Variants in CHRM3 observed in about 807,000 individuals in gnomAD.
CHRM3 encodes the protein cholinergic receptor muscarinic 3.
CHRM3 carries 11 observed loss-of-function variants against 41.8 expected under a neutral mutation model. The observed-to-expected ratio is 0.26, with a 90% CI of 0.17 to 0.44. CHRM3 has a LOEUF of 0.44. Ranked by LOEUF, CHRM3 falls within the 20% of genes least tolerant of loss-of-function variation. The pLI, the probability that CHRM3 is intolerant of heterozygous loss-of-function variation, is 1.00. For missense variants in CHRM3, 571 were observed against 745.4 expected (o/e 0.77, Z 2.72); for synonymous variants, 297 against 301.4 (o/e 0.99, Z 0.15).
At chr1:239,562,807 G>A (rs1418788074) in intron 3 of CHRM3, among the ~76,000 whole-genome samples, 1 of 148,680 alleles carries the variant, frequency 6.7e-6, no homozygotes, top group East Asian at 2.0e-4. Flanking sequence ...AGAATCACTT[G>A]AAACTGGAAG....
chr1:239,561,489 TCTC>T (rs1387486117), intron 3 of CHRM3, among the ~76,000 whole-genome samples: 2 of 152,092 alleles, frequency 1.3e-5, no homozygotes, highest in African/African-American at 4.8e-5. Context: ...GGAAGTTCCA[TCTC>T]CTCTTAGCAG....
intron 2 of CHRM3, among the ~76,000 whole-genome samples, chr1:239,519,742 T>TTTC: frequency 2.5e-5 from 1 of 40,550 alleles, no homozygotes. Flanking sequence ...AAACTAGTTC[T>TTTC]TTTTTTTTTT....
At chr1:239,511,534 AT>A (rs900542234) in intron 2 of CHRM3, among the ~76,000 whole-genome samples, 2 of 152,184 alleles carry the variant, frequency 1.3e-5, no homozygotes, top group African/African-American at 4.8e-5. Context: ...TTTTGAAAAG[AT>A]TAGATATGTC....
chr1:239,496,564 G>A lies in CHRM3; in HGVS notation c.-422+3757G>A, dbSNP rs568670830. 1.0e-3 allele frequency among the ~76,000 whole-genome samples: 147 copies of A among 146,568 alleles called. 3 individuals are homozygous for A. Among genetic ancestry groups the A allele is most frequent in the Non-Finnish European group, 6.9e-4 (46 of 66,558 alleles). On this transcript the variant is annotated intron_variant, in intron 2 of 6. Transcript: ENST00000676153. ...GTGTGTATAATTATATATATTATAC[G>A]GTTGTATCTCCAATGACAACCTTTG...
intron 1 of CHRM3, among the ~76,000 whole-genome samples, chr1:239,491,031 C>T (rs1468451355): frequency 1.3e-5 from 2 of 152,114 alleles, no homozygotes; most frequent in Admixed American, 6.5e-5. Flanking sequence ...TGAGCTGTGG[C>T]TCCTGACCCA....
intron 5 of CHRM3, among the ~76,000 whole-genome samples, chr1:239,764,231 T>C (rs2148674244): frequency 6.6e-6 from 1 of 152,316 alleles, no homozygotes; most frequent in East Asian, 1.9e-4. Flanking sequence ...TGTTGATCTG[T>C]ATATCTCTTT....
At chr1:239,494,553 T>G (rs1667759443) in intron 2 of CHRM3, among the ~76,000 whole-genome samples, 1 of 152,176 alleles carries the variant, frequency 6.6e-6, no homozygotes, top group African/African-American at 2.4e-5. Flanking sequence ...TTTTTGTTTA[T>G]TTTTTATGTT....
chr1:239,749,386 G>A (rs1665622849), intron 5 of CHRM3, among the ~76,000 whole-genome samples: 1 of 152,094 alleles, frequency 6.6e-6, no homozygotes, highest in African/African-American at 2.4e-5. Context: ...TTGGAGGGTA[G>A]GTTGGGCACG....
intron 5 of CHRM3, among the ~76,000 whole-genome samples, chr1:239,768,151 A>G (rs976238173): frequency 1.3e-5 from 2 of 152,218 alleles, no homozygotes; most frequent in Non-Finnish European, 2.9e-5. Context: ...CAGAGGCTTT[A>G]ATTTGCTAAT....
At chr1:239,548,221 A>G (rs1343957232) in intron 3 of CHRM3, among the ~76,000 whole-genome samples, 1 of 152,200 alleles carries the variant, frequency 6.6e-6, no homozygotes, top group Non-Finnish European at 1.5e-5. Flanking sequence ...CCCAAGGTGG[A>G]AAGTACTGAT....
chr1:239,588,714 A>T (rs542376970), intron 3 of CHRM3, among the ~76,000 whole-genome samples: 3 of 152,298 alleles, frequency 2.0e-5, no homozygotes, highest in Non-Finnish European at 4.4e-5. Context: ...GGTCTGGAAA[A>T]TGCTGCTAAT....
At chr1:239,521,694 G>A (rs1324604448) in intron 2 of CHRM3, among the ~76,000 whole-genome samples, 1 of 152,104 alleles carries the variant, frequency 6.6e-6, no homozygotes, top group African/African-American at 2.4e-5. Flanking sequence ...ATAGGAGAGG[G>A]AGGTACAGCC....
intron 1 of CHRM3, among the ~76,000 whole-genome samples, chr1:239,405,173 A>C (rs566297749): frequency 5.9e-5 from 9 of 152,316 alleles, no homozygotes; most frequent in African/African-American, 1.9e-4. Context: ...AAAGTAGTAC[A>C]TTAGGTTAAG....
intron 5 of CHRM3, among the ~76,000 whole-genome samples, chr1:239,781,112 T>C (rs1668478912): frequency 6.6e-6 from 1 of 152,196 alleles, no homozygotes; most frequent in South Asian, 2.1e-4. Flanking sequence ...CCATGTAAAC[T>C]TTAAAATCAT....
At chr1:239,725,030 G>T (rs2148370161) in intron 5 of CHRM3, among the ~76,000 whole-genome samples, 1 of 151,948 alleles carries the variant, frequency 6.6e-6, no homozygotes, top group African/African-American at 2.4e-5. Flanking sequence ...CAGCTGTGTT[G>T]CTCTTCCTAT....
Position 239,504,982 on chromosome 1 carries a change from G to A in CHRM3, c.-422+12175G>A, listed in dbSNP as rs532864078. ...GCAGTGTATACTGTTTGGGTGATGGGTACACCAAAATCTCAGAAATCACCA... is the reference window on the plus strand; with the variant it reads ...GCAGTGTATACTGTTTGGGTGATGGATACACCAAAATCTCAGAAATCACCA... On this transcript the variant is annotated intron_variant, in intron 2 of 6. Coordinates refer to ENST00000676153, the MANE Select transcript of CHRM3 (RefSeq NM_001375978.1). Among the ~76,000 whole-genome samples, 72 of 152,114 alleles carry A rather than the reference G, an allele frequency of 4.7e-4. 1 individual carries two copies. In the Middle Eastern group the frequency reaches 0.01, roughly 22 times the overall value.
At chr1:239,531,953 C>T (rs1464546100) in intron 2 of CHRM3, among the ~76,000 whole-genome samples, 3 of 149,174 alleles carry the variant, frequency 2.0e-5, no homozygotes, top group Admixed American at 1.3e-4. Context: ...GCCGCCGTGC[C>T]TGGCCTAGAA....
chr1:239,732,231 GT>G (rs1194758298), intron 5 of CHRM3, among the ~76,000 whole-genome samples: 1 of 151,292 alleles, frequency 6.6e-6, no homozygotes, highest in Non-Finnish European at 1.5e-5. Context: ...ACTTAGATAA[GT>G]ATACCTAATA....
intron 4 of CHRM3, among the ~76,000 whole-genome samples, chr1:239,658,234 A>G (rs1045107538): frequency 2.6e-5 from 4 of 152,188 alleles, no homozygotes; most frequent in Non-Finnish European, 5.9e-5. Flanking sequence ...ACAAATCTGT[A>G]GCTTTAAAAT....
Sources: allele counts gnomAD v4.1 joint callset (sites outside exome capture counted in the v4.1 genomes callset), GRCh38; gene constraint gnomAD v4.1.1; transcripts MANE v1.5; gene names NCBI Gene and HGNC (gene_info 2026-07-23, HGNC 2026-07-21).